HMGCLL1: variants seen among roughly 807,000 people sequenced by gnomAD.
HMGCLL1 encodes the protein 3-hydroxymethyl-3-methylglutaryl-CoA lyase, cytoplasmic.
A neutral mutation model predicts 39.1 loss-of-function variants in HMGCLL1; 36 were observed. The ratio of observed to expected loss-of-function variants is 0.92; its 90% CI spans 0.71 to 1.22. The LOEUF is 1.22. Among genes scored for constraint, HMGCLL1 ranks in the 50% most tolerant of loss-of-function variants. The pLI, the probability that HMGCLL1 is intolerant of heterozygous loss-of-function variation, is 0.00. For synonymous variants in HMGCLL1, 149 were observed against 144.0 expected (o/e 1.03, Z -0.25); for missense variants, 451 against 416.5 (o/e 1.08, Z -0.72).
At chr6:55,675,847 C>A in the HMGCLL1 span, among the ~76,000 whole-genome samples, 78 of 151,982 alleles carry the variant, frequency 5.1e-4, 1 homozygote, top group African/African-American at 1.7e-3. Context: ...TTACATCGTT[C>A]TTTGTGTTTG....
chr6:55,507,060 T>A (rs1767206886), intron 5 of HMGCLL1, among the ~76,000 whole-genome samples: 1 of 151,694 alleles, frequency 6.6e-6, no homozygotes, highest in South Asian at 2.1e-4. Flanking sequence ...ATGTTCTGAC[T>A]GAGGACCATG....
chr6:55,470,502 C>T (rs1764998698), intron 7 of HMGCLL1, among the ~76,000 whole-genome samples: 1 of 151,730 alleles, frequency 6.6e-6, no homozygotes, highest in Admixed American at 6.6e-5. Flanking sequence ...GGCAAAAAGT[C>T]CCAAAATGGT....
chr6:55,657,519 T>G, the HMGCLL1 span, among the ~76,000 whole-genome samples: 1 of 151,974 alleles, frequency 6.6e-6, no homozygotes, highest in Admixed American at 6.6e-5. Context: ...TGCTTCTGAA[T>G]TCTCTATTTT....
intron 7 of HMGCLL1, among the ~76,000 whole-genome samples, chr6:55,441,270 G>T (rs373124319): frequency 9.5e-4 from 144 of 152,176 alleles, no homozygotes; most frequent in African/African-American, 3.3e-3. Flanking sequence ...CATGACCTTC[G>T]GGTTGGTAGA....
chr6:55,524,463 T>TAAAAAAA lies in HMGCLL1; in HGVS notation c.298-7867_298-7861dup, dbSNP rs376524274. Among the ~76,000 whole-genome samples, 22 of 134,522 alleles carry TAAAAAAA rather than the reference T, an allele frequency of 1.6e-4. 1 individual carries two copies. The highest frequency in any genetic ancestry group is 3.3e-4 in the African/African-American group (12 of 36,344). 88.3% of individuals were successfully genotyped at this position (134,522 alleles called of 152,430 possible). A position where few individuals can be genotyped will look rare whatever the true frequency, so the allele number is the denominator to read the frequency against. On this transcript the variant is annotated intron_variant, in intron 3 of 8. Coordinates refer to ENST00000274901, the MANE Select transcript of HMGCLL1 (RefSeq NM_001042406.2). ...TGTTGTATTTGGCATTTATAGTCTT[T>TAAAAAAA]AAAAAAAAAAAAAAAACGGGATCCT... is the stretch of plus-strand genomic sequence containing the variant.
At chr6:55,650,134 T>TATACAC in the HMGCLL1 span, among the ~76,000 whole-genome samples, 1 of 53,350 alleles carries the variant, frequency 1.9e-5, no homozygotes, top group Non-Finnish European at 3.6e-5. Context: ...TATATATATA[T>TATACAC]ACACACACAC....
chr6:55,608,348 T>C, the HMGCLL1 span, among the ~76,000 whole-genome samples: 1 of 152,212 alleles, frequency 6.6e-6, no homozygotes, highest in Non-Finnish European at 1.5e-5. Flanking sequence ...ACAGGATGAA[T>C]AAGTCAGTGA....
chr6:55,514,029 T>C lies in HMGCLL1; in HGVS notation c.542+19A>G. On this transcript the variant is annotated intron_variant, in intron 5 of 8. Transcript: ENST00000274901. Reference sequence around the variant, plus strand: ...CAATAAACATTAACAAAACAGAATTTGTGGGATTTCATAAGTACCCTCGTG... The same window carrying C: ...CAATAAACATTAACAAAACAGAATTCGTGGGATTTCATAAGTACCCTCGTG... 1 of 1,605,492 alleles carries C rather than the reference T, an allele frequency of 6.2e-7. No homozygotes were observed. Among genetic ancestry groups the C allele is most frequent in the African/African-American group, 1.3e-5 (1 of 74,704 alleles).
At chr6:55,595,173 G>A in the HMGCLL1 span, among the ~76,000 whole-genome samples, 3 of 152,102 alleles carry the variant, frequency 2.0e-5, no homozygotes, top group African/African-American at 4.8e-5. Context: ...AAAATCACAC[G>A]ACACAAATCT....
In HMGCLL1 at chr6:55,446,009, T is replaced by TCAG. The variant is rs1346943926; in HGVS notation, c.796-6453_796-6451dup. On this transcript the variant is annotated intron_variant, in intron 7 of 8. Transcript: ENST00000274901. ...CACATGAAAATGTGGTTCAATATAT[T>TCAG]CAGCATATTTGTATTTTTCCTTTGA... 2.6e-5 allele frequency among the ~76,000 whole-genome samples: 4 copies of TCAG among 152,044 alleles called. No individual in the cohort carries two copies. In the South Asian group the frequency reaches 8.3e-4, roughly 31 times the overall value.
chr6:55,552,243 A>C (rs1770376716), intron 1 of HMGCLL1, among the ~76,000 whole-genome samples: 1 of 152,008 alleles, frequency 6.6e-6, no homozygotes, highest in Non-Finnish European at 1.5e-5. Context: ...TGTAGCATAG[A>C]GATTTAAAAT....
At chr6:55,663,538 T>A in the HMGCLL1 span, among the ~76,000 whole-genome samples, 1 of 151,390 alleles carries the variant, frequency 6.6e-6, no homozygotes, top group Non-Finnish European at 1.5e-5. Context: ...TATCGCTCTG[T>A]GGTGTTTGGT....
the HMGCLL1 span, among the ~76,000 whole-genome samples, chr6:55,635,066 C>CT: frequency 6.6e-6 from 1 of 151,976 alleles, no homozygotes; most frequent in Non-Finnish European, 1.5e-5. Context: ...AGACAAAACA[C>CT]TTAGAACTAT....
chr6:55,665,805 GT>G, the HMGCLL1 span, among the ~76,000 whole-genome samples: 2 of 151,614 alleles, frequency 1.3e-5, no homozygotes, highest in Non-Finnish European at 3.0e-5. Flanking sequence ...AATACAGCCT[GT>G]TCTAAAATTT....
intron 7 of HMGCLL1, among the ~76,000 whole-genome samples, chr6:55,445,443 A>T (rs944825423): frequency 6.6e-6 from 1 of 152,058 alleles, no homozygotes; most frequent in Non-Finnish European, 1.5e-5. Context: ...ATTTCTTTTT[A>T]TTATTAGTTC....
At chr6:55,482,916 G>A (rs868325062) in intron 7 of HMGCLL1, among the ~76,000 whole-genome samples, 1 of 151,974 alleles carries the variant, frequency 6.6e-6, no homozygotes, top group South Asian at 2.1e-4. Flanking sequence ...ATATAAGAAT[G>A]TTATGAAAAA....
At chr6:55,477,410 T>TATAATATATATTATATAAATA (rs1765492084) in intron 7 of HMGCLL1, among the ~76,000 whole-genome samples, 3 of 28,166 alleles carry the variant, frequency 1.1e-4, no homozygotes, top group African/African-American at 8.6e-4. Flanking sequence ...ATTATCTAAA[T>TATAATATATATTATATAAATA]ATATATTATC....
At position 55,562,571 on chromosome 6, in the gene HMGCLL1, C is replaced by G. The variant is rs1028684766; in HGVS notation, c.108+16377G>C. Among the ~76,000 whole-genome samples, 3 of 152,086 alleles carry G rather than the reference C, an allele frequency of 2.0e-5. No individual in the cohort carries two copies. In the South Asian group the frequency reaches 6.2e-4, roughly 31 times the overall value. On this transcript the variant is annotated intron_variant, in intron 1 of 8. Coordinates refer to ENST00000274901, the MANE Select transcript of HMGCLL1 (RefSeq NM_001042406.2). ...GTGGAGAGAAAACATCAACAGCTGA[C>G]TTACATGGATTTTGTCCAGTAATAG...
chr6:55,561,515 T>C (rs1561963986), intron 1 of HMGCLL1, among the ~76,000 whole-genome samples: 1 of 152,154 alleles, frequency 6.6e-6, no homozygotes, highest in African/African-American at 2.4e-5. Context: ...GAGATTATAA[T>C]TCATTAGGTT....
Sources: allele counts gnomAD v4.1 joint callset (sites outside exome capture counted in the v4.1 genomes callset), GRCh38; gene constraint gnomAD v4.1.1; transcripts MANE v1.5; gene names NCBI Gene and HGNC (gene_info 2026-07-23, HGNC 2026-07-21).